Variants in WWOX observed in about 807,000 individuals in gnomAD.
The protein encoded by WWOX is WW domain-containing oxidoreductase.
In WWOX, 69 loss-of-function variants were observed where a neutral mutation model predicts 46.2. That is an observed-to-expected ratio of 1.49 (90% CI 1.23 to 1.82). The LOEUF (loss-of-function observed/expected upper bound fraction) is 1.82, where lower values mean the gene tolerates loss of function less well. Ranked by LOEUF, WWOX falls within the 40% of genes most tolerant of loss-of-function variation. WWOX has a pLI of 0.00. For missense variants in WWOX, 919 were observed against 542.6 expected, an observed-to-expected ratio of 1.69 and a Z score of -6.89; for synonymous variants, 359 against 202.6, an observed-to-expected ratio of 1.77 and a Z score of -6.56.
At chr16:78,307,464 G>A (rs1213065588) in intron 5 of WWOX, among the ~76,000 whole-genome samples, 2 of 152,144 alleles carry the variant, frequency 1.3e-5, no homozygotes, top group Non-Finnish European at 2.9e-5. Context: ...TACGAAAGAG[G>A]AGGAAACAGG....
At chr16:78,797,937 A>G (rs2737293) in intron 8 of WWOX, among the ~76,000 whole-genome samples, 53,934 of 151,846 alleles carry the variant, frequency 0.36, 10,644 homozygotes, top group Middle Eastern at 0.49. Flanking sequence ...GTAGTGAGTC[A>G]TGGTCACACC....
At chr16:78,421,873 A>T (rs892027756) in intron 6 of WWOX, among the ~76,000 whole-genome samples, 4 of 152,164 alleles carry the variant, frequency 2.6e-5, no homozygotes, top group Admixed American at 1.3e-4. Flanking sequence ...TATTGCTTGG[A>T]AACAGGATTA....
chr16:79,031,348 G>C (rs532091630), intron 8 of WWOX, among the ~76,000 whole-genome samples: 27 of 152,140 alleles, frequency 1.8e-4, no homozygotes, highest in African/African-American at 6.5e-4. Context: ...GCAGTCCTGG[G>C]ACAGTCTACA....
intron 6 of WWOX, among the ~76,000 whole-genome samples, chr16:78,424,346 C>T (rs1255073757): frequency 2.0e-5 from 3 of 152,144 alleles, no homozygotes; most frequent in Non-Finnish European, 4.4e-5. Context: ...TCTCAAACTC[C>T]TGACCTAAAA....
intron 8 of WWOX, among the ~76,000 whole-genome samples, chr16:79,171,067 T>A (rs1414857150): frequency 6.6e-6 from 1 of 152,232 alleles, no homozygotes; most frequent in Non-Finnish European, 1.5e-5. Context: ...GGAACTATGT[T>A]TATTCAGTGG....
At chr16:78,457,114 A>G (rs1405135558) in intron 8 of WWOX, among the ~76,000 whole-genome samples, 3 of 152,234 alleles carry the variant, frequency 2.0e-5, no homozygotes, top group Non-Finnish European at 4.4e-5. Context: ...GTGTTCAGAC[A>G]GAATGGTAAC....
chr16:78,169,490 G>T (rs1377441664), intron 5 of WWOX, among the ~76,000 whole-genome samples: 2 of 100,508 alleles, frequency 2.0e-5, no homozygotes, highest in East Asian at 5.7e-4. Context: ...CAGGACCTCT[G>T]CATGTAAAGA....
chr16:78,961,195 G>A (rs1417906200), intron 8 of WWOX, among the ~76,000 whole-genome samples: 1 of 152,176 alleles, frequency 6.6e-6, no homozygotes, highest in Non-Finnish European at 1.5e-5. Context: ...CAGGGATGGT[G>A]ACATCAGAAG....
At chr16:78,690,525 C>G (rs948159164) in intron 8 of WWOX, among the ~76,000 whole-genome samples, 3 of 151,996 alleles carry the variant, frequency 2.0e-5, no homozygotes, top group African/African-American at 4.8e-5. Flanking sequence ...GTACTGCAGC[C>G]TGGGCGACAG....
chr16:79,014,870 G>T (rs1032036400), intron 8 of WWOX, among the ~76,000 whole-genome samples: 2 of 152,174 alleles, frequency 1.3e-5, no homozygotes, highest in Non-Finnish European at 2.9e-5. Flanking sequence ...AGCACTTAGT[G>T]AGCATCAGCT....
intron 8 of WWOX, among the ~76,000 whole-genome samples, chr16:78,623,840 C>T (rs17640605): frequency 0.081 from 12,269 of 151,964 alleles, 715 homozygotes; most frequent in South Asian, 0.11. Context: ...GGGATTCATA[C>T]GGACATTATT....
At chr16:79,039,720 G>A (rs2047935680) in intron 8 of WWOX, among the ~76,000 whole-genome samples, 1 of 152,200 alleles carries the variant, frequency 6.6e-6, no homozygotes, top group Non-Finnish European at 1.5e-5. Context: ...ATGCTAGATG[G>A]AAGCAGGAGA....
chr16:78,407,397 C>G (rs1053854842), intron 6 of WWOX, among the ~76,000 whole-genome samples: 1 of 152,160 alleles, frequency 6.6e-6, no homozygotes, highest in African/African-American at 2.4e-5. Flanking sequence ...CATTCCTTTG[C>G]TGTGTCTGAA....
intron 8 of WWOX, chr16:78,891,768 C>T (rs1237722140): frequency 1.3e-5 from 2 of 152,064 alleles, no homozygotes; most frequent in African/African-American, 4.8e-5. Flanking sequence ...GAATCCACTG[C>T]TGGGTATTCT....
rs978899513 is a variant in WWOX, at chr16:79,212,152, C to G, written c.*356C>G. The stretch of plus-strand genomic sequence containing the variant: ...TAGCCTGAGGTCCCCTCGTCCCATC[C>G]AGCTACCACCACGGCCACCACTGCA... On this transcript the variant is annotated 3_prime_UTR_variant, in exon 9 of 9. Transcript: ENST00000566780. 1 of 1,506,536 alleles carries G rather than the reference C, an allele frequency of 6.6e-7. No homozygotes were observed. Among genetic ancestry groups the G allele is most frequent in the South Asian group, 1.3e-5 (1 of 79,408 alleles). The allele number at this position is 1,506,536 out of a possible 1,614,324, so 93.3% of individuals were successfully genotyped here.
intron 8 of WWOX, among the ~76,000 whole-genome samples, chr16:78,625,985 A>G (rs2046302159): frequency 6.6e-6 from 1 of 151,560 alleles, no homozygotes; most frequent in African/African-American, 2.4e-5. Flanking sequence ...AATGGCACCA[A>G]CCTAATATTG....
At chr16:78,318,138 G>A (rs1357063525) in intron 5 of WWOX, among the ~76,000 whole-genome samples, 1 of 152,060 alleles carries the variant, frequency 6.6e-6, no homozygotes, top group Non-Finnish European at 1.5e-5. Flanking sequence ...AAGGCACTGC[G>A]TCCCTCAAAT....
intron 8 of WWOX, among the ~76,000 whole-genome samples, chr16:78,490,600 C>T (rs1285568958): frequency 6.6e-6 from 1 of 152,166 alleles, no homozygotes; most frequent in East Asian, 1.9e-4. Context: ...TGATGTGGCC[C>T]AGAGACCAAA....
chr16:78,912,536 T>C (rs755908200), intron 8 of WWOX, among the ~76,000 whole-genome samples: 1 of 152,040 alleles, frequency 6.6e-6, no homozygotes, highest in Non-Finnish European at 1.5e-5. Flanking sequence ...CGCTCTTCCC[T>C]GAGTGCCTTG....
Sources: gnomAD v4.1 joint callset for allele counts (sites outside exome capture counted in the v4.1 genomes callset) on GRCh38, gnomAD v4.1.1 for gene constraint, MANE v1.5 for transcripts, NCBI Gene and HGNC (gene_info 2026-07-23, HGNC 2026-07-21) for gene names.